The following RABGAP1L variants were observed in gnomAD, a reference collection of about 807,000 sequenced individuals.
The protein encoded by RABGAP1L is rab GTPase-activating protein 1-like.
A neutral mutation model predicts 137.7 loss-of-function variants in RABGAP1L; 63 were observed. The observed-to-expected ratio is 0.46, with a 90% CI of 0.37 to 0.56. RABGAP1L has a LOEUF of 0.56. RABGAP1L is among the 20% of genes least tolerant of loss of function. The pLI, the probability that RABGAP1L is intolerant of heterozygous loss-of-function variation, is 0.00. For synonymous variants in RABGAP1L, 431 were observed against 433.7 expected, an observed-to-expected ratio of 0.99 and a Z score of 0.08; for missense variants, 1,095 against 1,244.0, an observed-to-expected ratio of 0.88 and a Z score of 1.80.
At chr1:174,451,096 C>G (rs1365689665) in intron 13 of RABGAP1L, among the ~76,000 whole-genome samples, 1 of 152,102 alleles carries the variant, frequency 6.6e-6, no homozygotes, top group Non-Finnish European at 1.5e-5. Context: ...TTTTGGGAAT[C>G]AAAATCTGAT....
chr1:174,660,017 C>G (rs1205343727), intron 14 of RABGAP1L, among the ~76,000 whole-genome samples: 1 of 152,298 alleles, frequency 6.6e-6, no homozygotes, highest in African/African-American at 2.4e-5. Context: ...AAAAACATGA[C>G]TCACAGAGGC....
intron 13 of RABGAP1L, among the ~76,000 whole-genome samples, chr1:174,412,035 T>G (rs1649998231): frequency 6.6e-6 from 1 of 152,260 alleles, no homozygotes; most frequent in South Asian, 2.1e-4. Context: ...GATTTCTTTG[T>G]TAGTTTTCTG....
chr1:174,538,904 T>C (rs949593002), intron 13 of RABGAP1L, among the ~76,000 whole-genome samples: 12 of 152,182 alleles, frequency 7.9e-5, no homozygotes, highest in African/African-American at 2.9e-4. Flanking sequence ...AAATTTGTCT[T>C]AAAATTTTTT....
chr1:174,712,896 A>G (rs1470596530), intron 17 of RABGAP1L, among the ~76,000 whole-genome samples: 2 of 151,984 alleles, frequency 1.3e-5, no homozygotes, highest in African/African-American at 4.8e-5. Context: ...GTTCCTCCCA[A>G]CGTCCAGCCG....
At chr1:174,457,898 G>T (rs1656222227) in intron 13 of RABGAP1L, among the ~76,000 whole-genome samples, 1 of 152,084 alleles carries the variant, frequency 6.6e-6, no homozygotes, top group African/African-American at 2.4e-5. Flanking sequence ...ATTATGACAG[G>T]CAGGTTTTAA....
At chr1:174,658,987 C>A (rs1676175888) in intron 14 of RABGAP1L, among the ~76,000 whole-genome samples, 1 of 152,078 alleles carries the variant, frequency 6.6e-6, no homozygotes, top group Admixed American at 6.6e-5. Flanking sequence ...GGAAGTGAAT[C>A]TAAGAATCCA....
At chr1:174,329,657 G>T (rs1414285719) in intron 11 of RABGAP1L, among the ~76,000 whole-genome samples, 1 of 152,128 alleles carries the variant, frequency 6.6e-6, no homozygotes, top group Non-Finnish European at 1.5e-5. Flanking sequence ...ACCCAGGAAT[G>T]TAAAGATGGT....
chr1:174,547,769 G>A (rs1004316542), intron 13 of RABGAP1L: 35 of 1,298,826 alleles, frequency 2.7e-5, no homozygotes, highest in Non-Finnish European at 3.4e-5. Context: ...TTAAATTGAC[G>A]TTAGATGCAT....
intron 1 of RABGAP1L, among the ~76,000 whole-genome samples, chr1:174,190,990 A>C (rs1360899779): frequency 6.6e-6 from 1 of 152,246 alleles, no homozygotes; most frequent in East Asian, 1.9e-4. Context: ...GGCAGAACAC[A>C]CAGAGACTTT....
intron 10 of RABGAP1L, among the ~76,000 whole-genome samples, chr1:174,292,329 CTTTTTTTTTTTT>C (rs61636433): frequency 1.2e-4 from 6 of 50,602 alleles, no homozygotes; most frequent in Admixed American, 8.5e-4. Flanking sequence ...CCTACCTAAT[CTTTTTTTTTTTT>C]TTTTTTTTTT....
At chr1:174,372,220 A>G (rs1685166651) in intron 12 of RABGAP1L, among the ~76,000 whole-genome samples, 1 of 152,130 alleles carries the variant, frequency 6.6e-6, no homozygotes, top group Non-Finnish European at 1.5e-5. Context: ...TCAATAGCAA[A>G]ATATGAGCAT....
At chr1:174,320,757 C>G (rs897124261) in intron 11 of RABGAP1L, among the ~76,000 whole-genome samples, 1 of 152,156 alleles carries the variant, frequency 6.6e-6, no homozygotes, top group Non-Finnish European at 1.5e-5. Flanking sequence ...TCTCTTAATC[C>G]CATCATCTTC....
At chr1:174,926,543 T>G (rs1276026122) in intron 19 of RABGAP1L, among the ~76,000 whole-genome samples, 2 of 152,022 alleles carry the variant, frequency 1.3e-5, no homozygotes, top group Non-Finnish European at 2.9e-5. Context: ...TTATTACATT[T>G]TAAATTGGTT....
intron 7 of RABGAP1L, among the ~76,000 whole-genome samples, chr1:174,260,041 G>A (rs961871335): frequency 6.6e-6 from 1 of 152,080 alleles, no homozygotes; most frequent in Non-Finnish European, 1.5e-5. Context: ...CACCATATTG[G>A]TCAGGCTGGT....
At chr1:174,209,968 A>T (rs1668762883) in intron 1 of RABGAP1L, among the ~76,000 whole-genome samples, 1 of 152,172 alleles carries the variant, frequency 6.6e-6, no homozygotes, top group South Asian at 2.1e-4. Flanking sequence ...TAATCAAGAG[A>T]ATTCTCCCAG....
At position 174,502,682 on chromosome 1, in the gene RABGAP1L, ATG is replaced by A. The variant is rs541871054; in HGVS notation, c.1710+108545_1710+108546del. On this transcript the variant is annotated intron_variant, in intron 13 of 25. Transcript: ENST00000681986. ...TATGTGTGTGTGTATATATACATAT[ATG>A]TGTGTGTATATATACATATATGTGC... 3.6e-3 allele frequency among the ~76,000 whole-genome samples: 533 copies of A among 149,572 alleles called. 4 individuals are homozygous for A. The highest frequency in any genetic ancestry group is 0.012 in the African/African-American group (500 of 40,622).
At chr1:174,792,770 G>A (rs562364060) in intron 18 of RABGAP1L, among the ~76,000 whole-genome samples, 1 of 152,320 alleles carries the variant, frequency 6.6e-6, no homozygotes, top group South Asian at 2.1e-4. Flanking sequence ...ACTATGTACA[G>A]TATAGCCCTT....
chr1:174,824,147 A>G (rs1475346065), intron 19 of RABGAP1L, among the ~76,000 whole-genome samples: 1 of 152,068 alleles, frequency 6.6e-6, no homozygotes, highest in Non-Finnish European at 1.5e-5. Context: ...AAACTTAGCC[A>G]GGTGTGGTGA....
intron 19 of RABGAP1L, chr1:174,877,691 TTG>T: frequency 1.5e-6 from 2 of 1,376,854 alleles, no homozygotes; most frequent in Non-Finnish European, 2.0e-6. Flanking sequence ...GAGGCATAAC[TTG>T]CTGTTGGCTT....
Sources: allele counts gnomAD v4.1 joint callset (sites outside exome capture counted in the v4.1 genomes callset), GRCh38; gene constraint gnomAD v4.1.1; transcripts MANE v1.5; gene names NCBI Gene and HGNC (gene_info 2026-07-23, HGNC 2026-07-21).